Variants in SCP2 observed in about 807,000 individuals in gnomAD.
SCP2 encodes the protein sterol carrier protein 2.
SCP2 carries 48 observed loss-of-function variants against 71.4 expected under a neutral mutation model. The observed-to-expected ratio is 0.67, with a 90% confidence interval of 0.53 to 0.86. The LOEUF (loss-of-function observed/expected upper bound fraction) is 0.86. Ranked by LOEUF, SCP2 falls within the 40% of genes least tolerant of loss-of-function variation. SCP2 has a pLI of 0.00. For missense variants in SCP2, 560 were observed against 655.6 expected (o/e 0.85, Z 1.59); for synonymous variants, 220 against 218.1 (o/e 1.01, Z -0.08).
intron 11 of SCP2, among the ~76,000 whole-genome samples, chr1:53,001,406 A>G (rs1660308345): frequency 6.6e-6 from 1 of 152,198 alleles, no homozygotes; most frequent in Non-Finnish European, 1.5e-5. Flanking sequence ...TGTTTAAACC[A>G]AACTGTTTGC....
At chr1:52,941,211 T>C (rs1487513608) in intron 1 of SCP2, among the ~76,000 whole-genome samples, 1 of 152,014 alleles carries the variant, frequency 6.6e-6, no homozygotes, top group Non-Finnish European at 1.5e-5. Flanking sequence ...AAGAACTTAA[T>C]TTAAATGGCA....
chr1:52,947,060 CG>C (rs1466053161), intron 2 of SCP2, among the ~76,000 whole-genome samples: 4 of 104,862 alleles, frequency 3.8e-5, no homozygotes, highest in African/African-American at 1.6e-4. Context: ...GACTCTGTCT[CG>C]AAAAAAAAAA....
intron 14 of SCP2, among the ~76,000 whole-genome samples, chr1:53,040,504 C>T (rs1663337735): frequency 1.3e-5 from 2 of 152,162 alleles, no homozygotes; most frequent in Non-Finnish European, 2.9e-5. Context: ...GTGAGCCACT[C>T]CCTAACCACC....
At chr1:53,041,302 T>G (rs968833544) in intron 14 of SCP2, among the ~76,000 whole-genome samples, 3 of 151,188 alleles carry the variant, frequency 2.0e-5, no homozygotes, top group Admixed American at 1.3e-4. Flanking sequence ...CTTGGGAGGC[T>G]GAGGCAGGAA....
At chr1:53,039,075 A>T in intron 14 of SCP2, 29 bp downstream of exon 14, 1 of 1,613,730 alleles carries the variant, frequency 6.2e-7, no homozygotes, top group Non-Finnish European at 8.5e-7. Context: ...TCATTCTAGG[A>T]GCACTGACGA....
At chr1:52,961,210 A>G (rs1656411597) in intron 5 of SCP2, among the ~76,000 whole-genome samples, 1 of 151,176 alleles carries the variant, frequency 6.6e-6, no homozygotes, top group African/African-American at 2.4e-5. Flanking sequence ...TATATCTCCT[A>G]ATGCTATCCC....
intron 14 of SCP2, among the ~76,000 whole-genome samples, chr1:53,046,378 T>C (rs1663820395): frequency 6.6e-6 from 1 of 151,708 alleles, no homozygotes; most frequent in African/African-American, 2.4e-5. Flanking sequence ...AGTAGGTATG[T>C]GGCACTCATC....
In SCP2 at chr1:53,037,915, CACACACA is replaced by C. The variant is rs1405048563; in HGVS notation, c.1339-1001_1339-995del. Among the ~76,000 whole-genome samples, 40 of 126,288 alleles carry C rather than the reference CACACACA, an allele frequency of 3.2e-4. 3 individuals carry two copies. The highest frequency in any genetic ancestry group is 1.2e-3 in the African/African-American group (37 of 30,630). The allele number at this position is 126,288 out of a possible 152,430, so 82.8% of individuals were successfully genotyped here. ...ACACACACACACACACACACACACACACACACACACACACAGATCCAGATCCTGTCTC... is the reference window on the plus strand; with the variant it reads ...ACACACACACACACACACACACACACCACACACAGATCCAGATCCTGTCTC... On this transcript the variant is annotated intron_variant, in intron 13 of 15. Transcript: ENST00000371514.
At chr1:53,026,571 G>A (rs1662145585) in intron 12 of SCP2, among the ~76,000 whole-genome samples, 1 of 152,230 alleles carries the variant, frequency 6.6e-6, no homozygotes, top group Admixed American at 6.5e-5. Context: ...ACCTTGGGAG[G>A]CCAATGTGGG....
At chr1:52,959,986 G>A (rs2150139535) in intron 5 of SCP2, among the ~76,000 whole-genome samples, 1 of 151,896 alleles carries the variant, frequency 6.6e-6, no homozygotes, top group South Asian at 2.1e-4. Context: ...CTGCCTCCCG[G>A]GTTCAAGCAA....
At chr1:53,016,587 C>T (rs1374491900) in intron 12 of SCP2, among the ~76,000 whole-genome samples, 1 of 152,022 alleles carries the variant, frequency 6.6e-6, no homozygotes, top group Non-Finnish European at 1.5e-5. Flanking sequence ...ACTGAGATGA[C>T]TAGGATTGCC....
At chr1:53,047,816 A>G (rs1406621951) in intron 14 of SCP2, 42 bp from the exon 15 acceptor site, 1 of 1,360,956 alleles carries the variant, frequency 7.3e-7, no homozygotes, top group Admixed American at 1.7e-5. Flanking sequence ...GTGAAACTGA[A>G]CACCTCCTAT....
intron 5 of SCP2, among the ~76,000 whole-genome samples, chr1:52,958,333 C>T (rs546492923): frequency 1.4e-4 from 21 of 151,692 alleles, no homozygotes; most frequent in African/African-American, 3.6e-4. Context: ...CTGTTTCAAG[C>T]GATTCTCCTG....
At position 52,974,803 on chromosome 1, in the gene SCP2, GA is replaced by G; in HGVS notation, c.563del (p.Asn188IlefsTer19). ...TTGAACACTTTGCAAAAATTGGATGGAAAAATCATAAACATTCAGTTAATAA... is the reference window on the plus strand; with the variant it reads ...TTGAACACTTTGCAAAAATTGGATGGAAAATCATAAACATTCAGTTAATAA... ...KIEHFAKIGWKNHKHSVNNPY... is the reference protein window; with the variant it reads ...KIEHFAKIGWXNHKHSVNNPY... On this transcript the variant is annotated frameshift_variant, in exon 7 of 16. Transcript: ENST00000371514. LOFTEE classifies it high-confidence loss of function. The G allele has an allele frequency of 6.5e-7, 1 of 1,547,338 alleles. No individual in the cohort carries two copies. The highest frequency in any genetic ancestry group is 8.9e-7 in the Non-Finnish European group (1 of 1,119,304).
At chr1:53,020,895 TACG>T (rs1572196814) in intron 12 of SCP2, among the ~76,000 whole-genome samples, 1 of 152,338 alleles carries the variant, frequency 6.6e-6, no homozygotes, top group East Asian at 1.9e-4. Context: ...ACGCGTACTG[TACG>T]ACCGTCTCCA....
chr1:52,948,079 T>C lies in SCP2; in HGVS notation c.198T>C (p.Phe66=). The C allele has an allele frequency of 6.2e-7, 1 of 1,602,158 alleles. No homozygotes were observed. The highest frequency in any genetic ancestry group is 8.6e-7 in the Non-Finnish European group (1 of 1,169,152). ...AVDQACVGYV[F]GDSTCGQRAI... ...ACCAGGCATGTGTTGGCTATGTTTT[T>C]GGTATGTATTAAACTGTGTATTCTA... Residue 66 remains phenylalanine (F), a splice_region_variant and synonymous_variant, in exon 3 of 16, where the codon TTT becomes TTC. Coordinates refer to ENST00000371514, the MANE Select transcript of SCP2 (RefSeq NM_002979.5).
At chr1:52,972,235 T>C (rs1255062621) in intron 6 of SCP2, among the ~76,000 whole-genome samples, 8 of 152,230 alleles carry the variant, frequency 5.3e-5, no homozygotes, top group Non-Finnish European at 1.5e-5. Context: ...GGTTTCATAA[T>C]TAAATTATAG....
At chr1:53,050,126 A>C (rs1436010893) in intron 15 of SCP2, 1 of 160,520 alleles carries the variant, frequency 6.2e-6, no homozygotes, top group Admixed American at 6.0e-5. Context: ...AGAGTAACAC[A>C]AGCACCTCAT....
intron 2 of SCP2, among the ~76,000 whole-genome samples, chr1:52,942,430 G>T (rs919744519): frequency 2.6e-5 from 4 of 151,986 alleles, no homozygotes; most frequent in African/African-American, 7.2e-5. Context: ...CAGGTGTATG[G>T]GTCCTGGTTC....
Sources: gnomAD v4.1 joint callset for allele counts (sites outside exome capture counted in the v4.1 genomes callset) on GRCh38, gnomAD v4.1.1 for gene constraint, MANE v1.5 for transcripts, NCBI Gene and HGNC (gene_info 2026-07-23, HGNC 2026-07-21) for gene names.